Variants in LRRTM4 observed in about 807,000 individuals in gnomAD.
LRRTM4 encodes the protein leucine-rich repeat transmembrane neuronal protein 4.
LRRTM4 carries 25 observed loss-of-function variants against 47.6 expected under a neutral mutation model. That is an observed-to-expected ratio of 0.53 (90% CI 0.38 to 0.73). LRRTM4 has a LOEUF of 0.73. LRRTM4 is among the 30% of genes least tolerant of loss of function. LRRTM4 has a pLI of 0.00. For missense variants in LRRTM4, 638 were observed against 713.4 expected (o/e 0.89, Z 1.20); for synonymous variants, 311 against 269.5 (o/e 1.15, Z -1.51).
chr2:77,152,828 T>C (rs1303019490), intron 3 of LRRTM4, among the ~76,000 whole-genome samples: 3 of 152,174 alleles, frequency 2.0e-5, no homozygotes, highest in Non-Finnish European at 1.5e-5. Flanking sequence ...TTTACAGTTA[T>C]ATAAATGTAT....
chr2:77,009,588 C>A (rs1324320330), intron 3 of LRRTM4: 1 of 152,092 alleles, frequency 6.6e-6, no homozygotes, highest in Non-Finnish European at 1.5e-5. Flanking sequence ...CCTCTAATTT[C>A]CATGTATGAT....
chr2:77,401,402 T>C (rs1353796601), intron 3 of LRRTM4, among the ~76,000 whole-genome samples: 2 of 151,986 alleles, frequency 1.3e-5, no homozygotes, highest in African/African-American at 4.8e-5. Flanking sequence ...GCATCCCTGT[T>C]TTCTTTTTTC....
chr2:77,025,750 C>T (rs1393155247), intron 3 of LRRTM4, among the ~76,000 whole-genome samples: 1 of 152,124 alleles, frequency 6.6e-6, no homozygotes, highest in Non-Finnish European at 1.5e-5. Flanking sequence ...TATTATGAAT[C>T]TTTAGCCACA....
chr2:77,240,309 A>T (rs1213290802), intron 3 of LRRTM4, among the ~76,000 whole-genome samples: 2 of 151,990 alleles, frequency 1.3e-5, no homozygotes, highest in African/African-American at 4.8e-5. Flanking sequence ...AAACCATATG[A>T]CCATCTCAAC....
intron 3 of LRRTM4, among the ~76,000 whole-genome samples, chr2:76,809,353 C>T (rs1305939910): frequency 6.6e-6 from 1 of 152,066 alleles, no homozygotes; most frequent in Non-Finnish European, 1.5e-5. Context: ...TCCCTCACTC[C>T]CACTCGCCCC....
intron 3 of LRRTM4, among the ~76,000 whole-genome samples, chr2:77,396,758 TCAA>T (rs1673721383): frequency 6.6e-6 from 1 of 151,920 alleles, no homozygotes; most frequent in Non-Finnish European, 1.5e-5. Context: ...TTTTTTTTTC[TCAA>T]CAACACAGAC....
intron 3 of LRRTM4, among the ~76,000 whole-genome samples, chr2:76,993,724 T>A (rs751675100): frequency 1.3e-5 from 2 of 151,898 alleles, no homozygotes; most frequent in Non-Finnish European, 2.9e-5. Flanking sequence ...AAAATAGAAC[T>A]ACTATTCCAC....
At chr2:76,804,852 T>A (rs1675889801) in intron 3 of LRRTM4, among the ~76,000 whole-genome samples, 1 of 151,170 alleles carries the variant, frequency 6.6e-6, no homozygotes, top group Non-Finnish European at 1.5e-5. Flanking sequence ...AAAGTTTGAT[T>A]TGTTAATAGA....
chr2:76,868,951 A>C (rs185127053), intron 3 of LRRTM4, among the ~76,000 whole-genome samples: 1 of 152,240 alleles, frequency 6.6e-6, no homozygotes, highest in Admixed American at 6.5e-5. Context: ...ACTTAACACG[A>C]TAGCATGTCC....
intron 3 of LRRTM4, among the ~76,000 whole-genome samples, chr2:77,209,492 A>G (rs2103919080): frequency 6.6e-6 from 1 of 152,280 alleles, no homozygotes; most frequent in Non-Finnish European, 1.5e-5. Flanking sequence ...AAAAATTGCA[A>G]TTCTTGGTTG....
chr2:77,356,864 T>C (rs1671987924), intron 3 of LRRTM4, among the ~76,000 whole-genome samples: 1 of 152,200 alleles, frequency 6.6e-6, no homozygotes, highest in African/African-American at 2.4e-5. Flanking sequence ...TTCTAGTTAC[T>C]AAAATTGTTG....
chr2:77,187,624 T>C (rs1387188099), intron 3 of LRRTM4, among the ~76,000 whole-genome samples: 1 of 151,964 alleles, frequency 6.6e-6, no homozygotes, highest in African/African-American at 2.4e-5. Context: ...TAAAGTATAA[T>C]AATAAAAAAA....
At chr2:76,879,217 T>C (rs980132248) in intron 3 of LRRTM4, among the ~76,000 whole-genome samples, 2 of 152,168 alleles carry the variant, frequency 1.3e-5, no homozygotes, top group Non-Finnish European at 1.5e-5. Flanking sequence ...CAGTCTTCTA[T>C]TGGAAAAAGA....
At chr2:76,888,094 G>GTGTGTGTATATATACATATGTATACATA (rs1673136711) in intron 3 of LRRTM4, among the ~76,000 whole-genome samples, 6 of 150,286 alleles carry the variant, frequency 4.0e-5, no homozygotes, top group Admixed American at 3.3e-4. Flanking sequence ...CATATATAGT[G>GTGTGTGTATATATACATATGTATACATA]TGTGTGTATA....
chr2:77,209,871 A>G (rs540931849), intron 3 of LRRTM4, among the ~76,000 whole-genome samples: 2 of 152,294 alleles, frequency 1.3e-5, no homozygotes, highest in South Asian at 2.1e-4. Flanking sequence ...CAGCAGGACT[A>G]AAAAAGTAAA....
chr2:77,000,321 A>AAG (rs1553442837), intron 3 of LRRTM4, among the ~76,000 whole-genome samples: 7 of 151,694 alleles, frequency 4.6e-5, no homozygotes, highest in Admixed American at 3.9e-4. Flanking sequence ...AAAAAAAAAA[A>AAG]GGGTTAGTAA....
chr2:77,010,501 TACACACACACACAC>T (rs34456976), intron 3 of LRRTM4, among the ~76,000 whole-genome samples: 32,149 of 139,824 alleles, frequency 0.23, 3,706 homozygotes, highest in East Asian at 0.38. Context: ...TTGTATTGTT[TACACACACACACAC>T]ACACACACAC....
At position 76,851,760 on chromosome 2, in the gene LRRTM4, T is replaced by A. The variant is rs1381337311; in HGVS notation, c.1552-102844A>T. ...TAGATTTTTAACTTTTATTCGTTTT[T>A]TTTTTTTTTTTTTTTGACATTCTCT... On this transcript the variant is annotated intron_variant, in intron 3 of 3. Coordinates refer to ENST00000409884, the MANE Select transcript of LRRTM4 (RefSeq NM_001134745.3). Among the ~76,000 whole-genome samples, 5 of 139,994 alleles carry A rather than the reference T, an allele frequency of 3.6e-5. No individual in the cohort carries two copies. The South Asian group carries it at 1.1e-3, about 31-fold the overall frequency. The allele number at this position is 139,994 out of a possible 152,430, so 91.8% of individuals were successfully genotyped here. A position where few individuals can be genotyped will look rare whatever the true frequency, so the allele number is the denominator to read the frequency against.
intron 3 of LRRTM4, among the ~76,000 whole-genome samples, chr2:76,975,126 T>A (rs1417891740): frequency 6.6e-6 from 1 of 151,744 alleles, no homozygotes; most frequent in Non-Finnish European, 1.5e-5. Context: ...ACTGGTTGAT[T>A]ACCACTGGGT....
Sources: allele counts gnomAD v4.1 joint callset (sites outside exome capture counted in the v4.1 genomes callset), GRCh38; gene constraint gnomAD v4.1.1; transcripts MANE v1.5; gene names NCBI Gene and HGNC (gene_info 2026-07-23, HGNC 2026-07-21).